Variants in SOX6 observed in about 807,000 individuals in gnomAD.
SOX6 encodes transcription factor SOX-6.
A neutral mutation model predicts 97.8 loss-of-function variants in SOX6; 11 were observed. The observed-to-expected ratio is 0.11, with a 90% confidence interval of 0.07 to 0.19. The LOEUF is 0.19. Ranked by LOEUF, SOX6 falls within the 10% of genes least tolerant of loss-of-function variation. SOX6 has a pLI of 1.00. For missense variants in SOX6, 810 were observed against 1,039.5 expected, an observed-to-expected ratio of 0.78 and a Z score of 3.04; for synonymous variants, 360 against 371.4, an observed-to-expected ratio of 0.97 and a Z score of 0.35.
chr11:16,244,797 A>T (rs2134190344), intron 3 of SOX6, among the ~76,000 whole-genome samples: 1 of 151,324 alleles, frequency 6.6e-6, no homozygotes, highest in East Asian at 1.9e-4. Context: ...TCTATTTCTT[A>T]ATTCTTTTCT....
intron 2 of SOX6, among the ~76,000 whole-genome samples, chr11:16,336,118 T>G (rs1398538510): frequency 6.6e-6 from 1 of 152,196 alleles, no homozygotes; most frequent in East Asian, 1.9e-4. Flanking sequence ...ATGTATATTT[T>G]TGCCAAAATG....
Position 16,390,184 on chromosome 11 carries a change from T to G in SOX6, c.-4-48932A>C, listed in dbSNP as rs144465530. 7.8e-3 allele frequency among the ~76,000 whole-genome samples: 1,128 copies of G among 145,116 alleles called. 17 individuals carry two copies. Among genetic ancestry groups the G allele is most frequent in the African/African-American group, 0.03 (1,069 of 35,508 alleles). On this transcript the variant is annotated intron_variant, in intron 1 of 15. Transcript: ENST00000396356. ...GGGTTCCCTTTCTGTGGCTTTTTCC[T>G]TCCCAAGATTACCTCCTCACCTCTT...
At chr11:16,479,855 C>T (rs979993309), upstream of SOX6, among the ~76,000 whole-genome samples, 4 of 152,070 alleles carry the variant, frequency 2.6e-5, no homozygotes, top group African/African-American at 9.6e-5. Flanking sequence ...ACGCTACTTT[C>T]AAAAATTATC....
chr11:16,552,074 GA>G (rs1363024518), intron 4 of SOX6, among the ~76,000 whole-genome samples: 1 of 150,300 alleles, frequency 6.7e-6, no homozygotes, highest in Non-Finnish European at 1.5e-5. Flanking sequence ...ATATTTTATT[GA>G]AACCCAAATA....
chr11:16,523,254 T>C (rs1342372357), intron 4 of SOX6, among the ~76,000 whole-genome samples: 2 of 152,036 alleles, frequency 1.3e-5, no homozygotes, highest in Non-Finnish European at 2.9e-5. Context: ...TCAGCAAATG[T>C]AAAAGAACAG....
At chr11:16,206,036 G>A (rs540122944) in intron 4 of SOX6, among the ~76,000 whole-genome samples, 11 of 151,598 alleles carry the variant, frequency 7.3e-5, no homozygotes, top group Middle Eastern at 3.4e-3. Context: ...TTAATATTTT[G>A]GTAGCATTAG....
chr11:16,245,796 A>G (rs924628160), intron 3 of SOX6, among the ~76,000 whole-genome samples: 1 of 151,442 alleles, frequency 6.6e-6, no homozygotes, highest in African/African-American at 2.4e-5. Flanking sequence ...TCTTCAAAAA[A>G]CTTTTAACAT....
chr11:16,144,734 A>C (rs1346346189), intron 6 of SOX6, among the ~76,000 whole-genome samples: 1 of 152,250 alleles, frequency 6.6e-6, no homozygotes, highest in East Asian at 1.9e-4. Flanking sequence ...CTATGCAAAT[A>C]AACTAGAAAA....
chr11:16,114,817 T>C (rs1410921758), intron 6 of SOX6, among the ~76,000 whole-genome samples: 1 of 148,124 alleles, frequency 6.8e-6, no homozygotes, highest in Non-Finnish European at 1.5e-5. Context: ...AAAACATTAT[T>C]TTTATATTGG....
At chr11:16,603,121 G>A (rs1848290980) in intron 4 of SOX6, among the ~76,000 whole-genome samples, 1 of 152,178 alleles carries the variant, frequency 6.6e-6, no homozygotes, top group Non-Finnish European at 1.5e-5. Flanking sequence ...ATAAAAAAGA[G>A]TCTTCTAGTA....
At chr11:16,401,182 T>C (rs779507042) in intron 1 of SOX6, among the ~76,000 whole-genome samples, 14 of 151,580 alleles carry the variant, frequency 9.2e-5, no homozygotes, top group Non-Finnish European at 1.9e-4. Flanking sequence ...AGAAATAGTG[T>C]TTAAATTGTA....
chr11:16,002,392 T>C (rs571860529), intron 13 of SOX6, among the ~76,000 whole-genome samples: 9 of 152,322 alleles, frequency 5.9e-5, no homozygotes, highest in Admixed American at 5.2e-4. Flanking sequence ...ATGCCTGTGT[T>C]TACTTTTTTC....
intron 3 of SOX6, among the ~76,000 whole-genome samples, chr11:16,280,076 C>G (rs1035037568): frequency 6.6e-6 from 1 of 152,010 alleles, no homozygotes; most frequent in African/African-American, 2.4e-5. Context: ...TCAAAAAAGG[C>G]CATTTCTTTC....
At chr11:16,510,415 G>A (rs1285599613) in intron 4 of SOX6, among the ~76,000 whole-genome samples, 1 of 151,724 alleles carries the variant, frequency 6.6e-6, no homozygotes, top group African/African-American at 2.4e-5. Flanking sequence ...ACATGAATGG[G>A]GCAACTCTTA....
intron 3 of SOX6, among the ~76,000 whole-genome samples, chr11:16,299,775 T>C (rs1855201121): frequency 1.3e-5 from 2 of 152,100 alleles, no homozygotes; most frequent in South Asian, 4.1e-4. Flanking sequence ...ACATGGGTCT[T>C]TTATATTCTA....
chr11:16,097,430 A>G (rs146176398), intron 8 of SOX6, among the ~76,000 whole-genome samples, 179 bp downstream of exon 8: 10 of 152,046 alleles, frequency 6.6e-5, no homozygotes, highest in African/African-American at 2.4e-4. Flanking sequence ...CTTTAAAAAT[A>G]TTGAAACTGG....
At chr11:16,551,456 G>T (rs1382548609) in intron 4 of SOX6, among the ~76,000 whole-genome samples, 2 of 151,920 alleles carry the variant, frequency 1.3e-5, no homozygotes, top group African/African-American at 4.8e-5. Context: ...AAAAGGCAAA[G>T]ATTTTCAGAT....
At chr11:16,575,027 G>C (rs1352032473) in intron 4 of SOX6, among the ~76,000 whole-genome samples, 3 of 150,302 alleles carry the variant, frequency 2.0e-5, no homozygotes, top group African/African-American at 7.4e-5. Context: ...GTGACAGAGT[G>C]AGACTCTGTC....
At chr11:16,571,736 C>T (rs2133199433) in intron 4 of SOX6, among the ~76,000 whole-genome samples, 1 of 152,310 alleles carries the variant, frequency 6.6e-6, no homozygotes, top group South Asian at 2.1e-4. Context: ...ACTGCAATCT[C>T]TGCCTCCCGG....
Sources: allele counts gnomAD v4.1 joint callset (sites outside exome capture counted in the v4.1 genomes callset), GRCh38; gene constraint gnomAD v4.1.1; transcripts MANE v1.5; gene names NCBI Gene and HGNC (gene_info 2026-07-23, HGNC 2026-07-21).